The following CHI3L2 variants were observed in gnomAD, a reference collection of about 807,000 sequenced individuals.
CHI3L2 encodes chitinase 3 like 2, also known as chitinase-3-like protein 2.
A neutral mutation model predicts 47.3 loss-of-function variants in CHI3L2; 47 were observed. The observed-to-expected ratio is 0.99, with a 90% confidence interval of 0.79 to 1.27. CHI3L2 has a LOEUF of 1.27. Ranked by LOEUF, CHI3L2 falls within the 50% of genes most tolerant of loss-of-function variation. The pLI is 0.00. For synonymous variants in CHI3L2, 198 were observed against 169.9 expected, an observed-to-expected ratio of 1.17 and a Z score of -1.28; for missense variants, 497 against 462.1, an observed-to-expected ratio of 1.08 and a Z score of -0.69.
rs1659652501 is a variant in CHI3L2, at chr1:111,229,727, GGGGAGCCCA to G, written c.41-123_41-115del. On this transcript the variant is annotated intron_variant, in intron 1 of 10. Coordinates refer to ENST00000369748, the MANE Select transcript of CHI3L2 (RefSeq NM_004000.3). The stretch of plus-strand genomic sequence containing the variant: ...AAAAGAAACCACAGCAGCTGTGGCT[GGGGAGCCCA>G]GATGAAGTGTGGCTCTATCTTGTAT... 2.8e-6 allele frequency: 4 copies of G among 1,406,072 alleles called. No homozygotes were observed. The Admixed American group carries it at 1.1e-4, about 38-fold the overall frequency. The allele number at this position is 1,406,072 out of a possible 1,614,324, so 87.1% of individuals were successfully genotyped here.
At chr1:111,242,959 G>A (rs1490614045) in intron 10 of CHI3L2, among the ~76,000 whole-genome samples, 3 of 152,202 alleles carry the variant, frequency 2.0e-5, no homozygotes, top group Non-Finnish European at 4.4e-5. Context: ...GATGAAGGCT[G>A]TTGCTGACCA....
intron 9 of CHI3L2, 107 bp downstream of exon 9, chr1:111,241,550 C>T: frequency 1.5e-6 from 1 of 665,938 alleles, no homozygotes; most frequent in Non-Finnish European, 2.7e-6. Flanking sequence ...GCCCCAGACT[C>T]TAGGATGGGA....
intron 1 of CHI3L2, among the ~76,000 whole-genome samples, chr1:111,229,250 T>C (rs1253118079): frequency 6.6e-6 from 1 of 152,202 alleles, no homozygotes; most frequent in Non-Finnish European, 1.5e-5. Context: ...TCCTGAGCAA[T>C]GCTTAGCACA....
chr1:111,238,598 A>C (rs1659952263), intron 7 of CHI3L2, 152 bp from the exon 8 acceptor site: 1 of 689,604 alleles, frequency 1.5e-6, no homozygotes, highest in African/African-American at 1.8e-5. Context: ...CATTACAACA[A>C]GCACTCTGGT....
At chr1:111,242,532 G>A in intron 10 of CHI3L2, 166 bp downstream of exon 10, 1 of 555,880 alleles carries the variant, frequency 1.8e-6, no homozygotes, top group Non-Finnish European at 2.9e-6. Context: ...CCTTTTCATA[G>A]GCTTCCCATA....
chr1:111,234,460 C>T (rs947323259), intron 4 of CHI3L2, among the ~76,000 whole-genome samples: 9 of 152,216 alleles, frequency 5.9e-5, no homozygotes, highest in Admixed American at 1.3e-4. Flanking sequence ...GATGCCAGAG[C>T]GATGAGATAC....
chr1:111,242,640 A>T (rs1660095997), intron 10 of CHI3L2: 2 of 251,780 alleles, frequency 7.9e-6, no homozygotes, highest in Admixed American at 4.9e-5. Flanking sequence ...TATTAGGGAT[A>T]AATATTGACA....
chr1:111,243,414 T>TA lies in CHI3L2; in HGVS notation c.*208dup. 4 of 359,412 alleles carry TA rather than the reference T, an allele frequency of 1.1e-5. No homozygotes were observed. Among genetic ancestry groups the TA allele is most frequent in the Non-Finnish European group, 1.6e-5 (3 of 183,584 alleles). The allele number at this position is 359,412 out of a possible 1,614,324, so 22.3% of individuals were successfully genotyped here. A position where few individuals can be genotyped will look rare whatever the true frequency, so the allele number is the denominator to read the frequency against. ...GTTGACTTGTTGCCCTGAAGTACAA[T>TA]AAAAAAAATTCATTTTGCTCCAGTA... On this transcript the variant is annotated 3_prime_UTR_variant, in exon 11 of 11. Coordinates refer to ENST00000369748, the MANE Select transcript of CHI3L2 (RefSeq NM_004000.3).
chr1:111,232,772 T>C (rs1054688375), intron 4 of CHI3L2, among the ~76,000 whole-genome samples: 4 of 152,250 alleles, frequency 2.6e-5, no homozygotes, highest in African/African-American at 9.6e-5. Flanking sequence ...AGTAAATTTC[T>C]ATTGAATGGG....
At chr1:111,239,558 A>T (rs1659987528) in intron 8 of CHI3L2, among the ~76,000 whole-genome samples, 1 of 152,200 alleles carries the variant, frequency 6.6e-6, no homozygotes, top group African/African-American at 2.4e-5. Flanking sequence ...AAGGTAACTG[A>T]CAAGGAACTA....
At chr1:111,231,802 C>T (rs1045422631) in intron 4 of CHI3L2, among the ~76,000 whole-genome samples, 2 of 152,162 alleles carry the variant, frequency 1.3e-5, no homozygotes, top group Admixed American at 6.5e-5. Context: ...AACAATCAGT[C>T]CTGCTTTGCT....
intron 5 of CHI3L2, 134 bp downstream of exon 5, chr1:111,235,191 C>G (rs1421809511): frequency 1.2e-6 from 1 of 845,340 alleles, no homozygotes; most frequent in African/African-American, 1.7e-5. Flanking sequence ...CTTTCTGAAG[C>G]TCCCACTAAT....
intron 4 of CHI3L2, among the ~76,000 whole-genome samples, chr1:111,232,398 T>G (rs1659748428): frequency 1.3e-5 from 2 of 152,242 alleles, no homozygotes; most frequent in African/African-American, 4.8e-5. Flanking sequence ...AGTAAGTAAT[T>G]GTTTACCAGT....
rs1270202558 is a variant in CHI3L2 at position 111,235,063 on chromosome 1, T to C, written c.480+6T>C. The stretch of plus-strand genomic sequence containing the variant: ...ATTTCACTGTGCTGATTCATGTAAG[T>C]CATGAATCAAGTAATTCATGTGAGT... On this transcript the variant is annotated splice_donor_region_variant and intron_variant, in intron 5 of 10. Transcript: ENST00000369748. The C allele has an allele frequency of 2.5e-6, 4 of 1,612,994 alleles. No homozygotes were observed. Among genetic ancestry groups the C allele is most frequent in the Admixed American group, 1.7e-5 (1 of 60,026 alleles).
intron 1 of CHI3L2, 93 bp from the exon 2 acceptor site, chr1:111,229,759 T>C: frequency 3.8e-6 from 6 of 1,594,200 alleles, no homozygotes; most frequent in Middle Eastern, 1.7e-4. Flanking sequence ...CTCTATCTTG[T>C]ATGTGAGCAC....
intron 1 of CHI3L2, among the ~76,000 whole-genome samples, chr1:111,229,364 A>G (rs1441726911): frequency 6.6e-6 from 1 of 152,174 alleles, no homozygotes; most frequent in Non-Finnish European, 1.5e-5. Flanking sequence ...AAGGCACCCC[A>G]GGGCTGGGGA....
At chr1:111,240,153 A>G (rs1362063093) in intron 8 of CHI3L2, among the ~76,000 whole-genome samples, 1 of 152,168 alleles carries the variant, frequency 6.6e-6, no homozygotes, top group Non-Finnish European at 1.5e-5. Context: ...ATCATTCTAT[A>G]TCCTGGTCTA....
At chr1:111,231,126 A>T (rs1189240075) in intron 3 of CHI3L2, 112 bp from the exon 4 acceptor site, 1 of 1,071,104 alleles carries the variant, frequency 9.3e-7, no homozygotes, top group African/African-American at 1.6e-5. Context: ...ACTTTAGTTC[A>T]AACAGCCAGG....
At chr1:111,239,078 T>C in intron 8 of CHI3L2, 146 bp downstream of exon 8, 6 of 770,220 alleles carry the variant, frequency 7.8e-6, no homozygotes, top group Non-Finnish European at 1.2e-5. Context: ...ATCTCCTAAC[T>C]CTGGGTTGGG....
Sources: allele counts gnomAD v4.1 joint callset (sites outside exome capture counted in the v4.1 genomes callset), GRCh38; gene constraint gnomAD v4.1.1; transcripts MANE v1.5; gene names NCBI Gene and HGNC (gene_info 2026-07-23, HGNC 2026-07-21).